STK3: variants seen among roughly 807,000 people sequenced by gnomAD.
STK3 encodes serine/threonine-protein kinase 3.
STK3 carries 41 observed loss-of-function variants against 58.0 expected under a neutral mutation model. That is an observed-to-expected ratio of 0.71 (90% CI 0.55 to 0.92). The LOEUF is 0.92. Ranked by LOEUF, STK3 falls within the 40% of genes least tolerant of loss-of-function variation. STK3 has a pLI of 0.00. For synonymous variants in STK3, 170 were observed against 191.0 expected, an observed-to-expected ratio of 0.89 and a Z score of 0.91; for missense variants, 479 against 602.7, an observed-to-expected ratio of 0.79 and a Z score of 2.15.
intron 7 of STK3, among the ~76,000 whole-genome samples, chr8:98,584,367 C>T (rs1027736530): frequency 1.7e-4 from 26 of 151,064 alleles, no homozygotes; most frequent in African/African-American, 4.1e-4. Context: ...TTTGTTCTTG[C>T]GATAGTTTAC....
chr8:98,595,772 A>G (rs1037434078), intron 7 of STK3: 10 of 326,050 alleles, frequency 3.1e-5, no homozygotes, highest in Middle Eastern at 8.6e-4. Flanking sequence ...AACAGAAGAA[A>G]AAAAAAACAT....
intron 3 of STK3, among the ~76,000 whole-genome samples, chr8:98,847,037 G>A (rs1836234511): frequency 6.6e-6 from 1 of 152,140 alleles, no homozygotes; most frequent in Non-Finnish European, 1.5e-5. Flanking sequence ...TTTAGGTCTA[G>A]ATATGACTCT....
intron 6 of STK3, among the ~76,000 whole-genome samples, chr8:98,617,996 C>A (rs1028741753): frequency 1.3e-5 from 2 of 152,044 alleles, no homozygotes; most frequent in African/African-American, 2.4e-5. Flanking sequence ...CAAAGCCGGG[C>A]AGAGACACAA....
chr8:98,562,426 CATAAT>C (rs1179312018), intron 8 of STK3, among the ~76,000 whole-genome samples: 3 of 151,784 alleles, frequency 2.0e-5, no homozygotes, highest in Non-Finnish European at 2.9e-5. Flanking sequence ...GAAAAGGCTA[CATAAT>C]ATATGATTCC....
At chr8:98,756,026 C>A (rs1280762393) in intron 3 of STK3, among the ~76,000 whole-genome samples, 1 of 151,932 alleles carries the variant, frequency 6.6e-6, no homozygotes, top group African/African-American at 2.4e-5. Context: ...GCCTATAATC[C>A]CAGCTACTCA....
At chr8:98,520,751 G>A (rs1055451140) in intron 10 of STK3, among the ~76,000 whole-genome samples, 1 of 151,940 alleles carries the variant, frequency 6.6e-6, no homozygotes, top group African/African-American at 2.4e-5. Context: ...ACCTTAGTAT[G>A]CTTTATACTT....
chr8:98,533,569 G>C (rs1306463866), intron 9 of STK3, among the ~76,000 whole-genome samples: 2 of 152,050 alleles, frequency 1.3e-5, no homozygotes, highest in African/African-American at 4.8e-5. Flanking sequence ...CCCACTGAAG[G>C]CTTGACCTTC....
chr8:98,867,500 C>G (rs539412725), intron 3 of STK3, among the ~76,000 whole-genome samples: 33 of 151,980 alleles, frequency 2.2e-4, no homozygotes, highest in African/African-American at 7.5e-4. Flanking sequence ...GTTAGATTGA[C>G]TAAAACCTCC....
At chr8:98,548,256 C>T (rs918788168) in intron 8 of STK3, 95 bp from the exon 9 acceptor site, 1 of 959,574 alleles carries the variant, frequency 1.0e-6, no homozygotes, top group Non-Finnish European at 1.4e-6. Flanking sequence ...AGTTTTAATA[C>T]TTATTAAAAA....
At chr8:98,416,364 G>GTTTTTTTTTTTTT (rs57447680) in intron 3 of STK3, among the ~76,000 whole-genome samples, 6 of 79,532 alleles carry the variant, frequency 7.5e-5, no homozygotes, top group Admixed American at 1.5e-4. Context: ...GTTTGAAACT[G>GTTTTTTTTTTTTT]TTTTTTTTTT....
downstream of STK3, among the ~76,000 whole-genome samples, chr8:98,449,768 G>A (rs1041033224): frequency 1.3e-5 from 2 of 152,314 alleles, no homozygotes; most frequent in African/African-American, 4.8e-5. Context: ...TGATTAGGAT[G>A]TTAAAATAGA....
At chr8:98,703,090 G>C (rs1160030916) in intron 6 of STK3, among the ~76,000 whole-genome samples, 1 of 152,016 alleles carries the variant, frequency 6.6e-6, no homozygotes, top group African/African-American at 2.4e-5. Context: ...ATCTTACCTA[G>C]GTTACCATAT....
chr8:98,475,261 G>A (rs538386194), intron 10 of STK3, among the ~76,000 whole-genome samples: 1 of 152,174 alleles, frequency 6.6e-6, no homozygotes, highest in South Asian at 2.1e-4. Flanking sequence ...GGACTCTCAG[G>A]TTCATGCACC....
At chr8:98,566,226 T>C (rs928357641) in intron 8 of STK3, among the ~76,000 whole-genome samples, 3 of 152,150 alleles carry the variant, frequency 2.0e-5, no homozygotes, top group African/African-American at 7.2e-5. Flanking sequence ...TTATAATAGT[T>C]ACCCAGGGCA....
chr8:98,389,466 A>G (rs1467491998), upstream of STK3, among the ~76,000 whole-genome samples: 2 of 152,188 alleles, frequency 1.3e-5, no homozygotes, highest in African/African-American at 4.8e-5. Flanking sequence ...AGAACTCTTA[A>G]CAGTCACGAA....
At chr8:98,861,746 T>C (rs1836946301) in intron 3 of STK3, among the ~76,000 whole-genome samples, 1 of 152,190 alleles carries the variant, frequency 6.6e-6, no homozygotes, top group South Asian at 2.1e-4. Flanking sequence ...CCTCCATCTT[T>C]ATAACAAGGC....
downstream of STK3, among the ~76,000 whole-genome samples, chr8:98,450,332 G>A (rs1042214753): frequency 6.6e-6 from 1 of 152,132 alleles, no homozygotes; most frequent in African/African-American, 2.4e-5. Context: ...AGAGTTAAAA[G>A]TTTGTTTTTT....
chr8:98,725,398 T>C (rs1827726609), intron 4 of STK3, among the ~76,000 whole-genome samples: 1 of 152,198 alleles, frequency 6.6e-6, no homozygotes, highest in Non-Finnish European at 1.5e-5. Context: ...TTGAAATTTT[T>C]ACAATGTGCT....
At chr8:98,563,196 C>T (rs1378366774) in intron 8 of STK3, among the ~76,000 whole-genome samples, 1 of 151,904 alleles carries the variant, frequency 6.6e-6, no homozygotes, top group Non-Finnish European at 1.5e-5. Context: ...CCATGTTTTC[C>T]ACATGGGTTA....
Sources: allele counts gnomAD v4.1 joint callset (sites outside exome capture counted in the v4.1 genomes callset), GRCh38; gene constraint gnomAD v4.1.1; transcripts MANE v1.5; gene names NCBI Gene and HGNC (gene_info 2026-07-23, HGNC 2026-07-21).